Variants in PARVB observed in about 807,000 individuals in gnomAD.
PARVB encodes parvin beta.
A neutral mutation model predicts 47.0 loss-of-function variants in PARVB; 46 were observed. That is an observed-to-expected ratio of 0.98 (90% CI 0.77 to 1.25). PARVB has a LOEUF of 1.25. Among genes scored for constraint, PARVB ranks in the 50% most tolerant of loss-of-function variants. PARVB has a pLI of 0.00. For synonymous variants in PARVB, 196 were observed against 196.3 expected (o/e 1.00, Z 0.01); for missense variants, 473 against 471.6 (o/e 1.00, Z -0.03).
intron 12 of PARVB, among the ~76,000 whole-genome samples, chr22:44,166,798 C>G (rs1363760824): frequency 6.6e-6 from 1 of 152,244 alleles, no homozygotes; most frequent in East Asian, 1.9e-4. Flanking sequence ...GTGGCTGATG[C>G]AATGAATGAG....
At chr22:44,020,415 T>C (rs1402085588), upstream of PARVB, among the ~76,000 whole-genome samples, 1 of 152,136 alleles carries the variant, frequency 6.6e-6, no homozygotes, top group African/African-American at 2.4e-5. Flanking sequence ...CTCAAGTGAT[T>C]CTCTGGCCTC....
At chr22:44,043,739 A>G (rs2051063538) in intron 1 of PARVB, among the ~76,000 whole-genome samples, 1 of 151,394 alleles carries the variant, frequency 6.6e-6, no homozygotes, top group African/African-American at 2.4e-5. Context: ...TAAAGCTGGT[A>G]AAAAAAATAG....
intron 1 of PARVB, among the ~76,000 whole-genome samples, chr22:44,047,668 TAAA>T (rs1039968004): frequency 2.0e-5 from 3 of 151,728 alleles, no homozygotes; most frequent in African/African-American, 7.3e-5. Flanking sequence ...CTAAAAAAAA[TAAA>T]AAATAAAAAA....
intron 1 of PARVB, among the ~76,000 whole-genome samples, chr22:44,036,524 A>T (rs2050925272): frequency 6.6e-6 from 1 of 152,130 alleles, no homozygotes; most frequent in Admixed American, 6.6e-5. Context: ...AGTTTTTTCA[A>T]ATTGTCACAA....
At position 44,125,971 on chromosome 22, in the gene PARVB, G is replaced by A. The variant is rs2053176794; in HGVS notation, c.377-5516G>A. 2.0e-5 allele frequency among the ~76,000 whole-genome samples: 3 copies of A among 152,304 alleles called. No homozygotes were observed. In the South Asian group the frequency reaches 6.2e-4, roughly 32 times the overall value. The stretch of plus-strand genomic sequence containing the variant: ...CCATAGGAACCAAGACTGATGGCCA[G>A]GTTTGTGGCTTGAGCAACTGGTAAA... On this transcript the variant is annotated intron_variant, in intron 4 of 12. Transcript: ENST00000338758. The surrounding 1 kb of genome is among the most constrained non-coding windows in gnomAD (Gnocchi z 4.1).
At chr22:44,105,439 TC>T (rs1294168753) in intron 3 of PARVB, 1 of 152,272 alleles carries the variant, frequency 6.6e-6, no homozygotes, top group Non-Finnish European at 1.5e-5. Context: ...AACACTTCTT[TC>T]AGTTTTCTCT....
chr22:44,068,730 C>T lies in PARVB; in HGVS notation c.113-25198C>T, dbSNP rs745745563. Among the ~76,000 whole-genome samples, 2 of 152,186 alleles carry T rather than the reference C, an allele frequency of 1.3e-5. No individual in the cohort carries two copies. Among genetic ancestry groups the T allele is most frequent in the Admixed American group, 6.5e-5 (1 of 15,280 alleles). ...CAGCTCCGTGCCAGCTTGCAGACCC[C>T]CAATCACTTCTCCTGTCTCAGGGCC... is the stretch of plus-strand genomic sequence containing the variant. On this transcript the variant is annotated intron_variant, in intron 1 of 12. Transcript: ENST00000338758. The surrounding 1 kb of genome is among the most constrained non-coding windows in gnomAD (Gnocchi z 4.1).
chr22:44,017,019 G>A (rs909282369), intron 2 of PARVB, among the ~76,000 whole-genome samples: 2 of 152,108 alleles, frequency 1.3e-5, no homozygotes, highest in African/African-American at 2.4e-5. Flanking sequence ...GGGATTACAG[G>A]TGTGCACTGC....
upstream of PARVB, among the ~76,000 whole-genome samples, chr22:44,023,695 G>A (rs1197986299): frequency 6.6e-6 from 1 of 151,842 alleles, no homozygotes; most frequent in African/African-American, 2.4e-5. Context: ...CCCCTCCCTG[G>A]CACCCCACAC....
chr22:44,137,619 G>A (rs891336836), intron 7 of PARVB, among the ~76,000 whole-genome samples: 6 of 152,162 alleles, frequency 3.9e-5, no homozygotes, highest in East Asian at 1.9e-4. Flanking sequence ...AGCCAGTCTC[G>A]CCTGGGGTTG....
intron 10 of PARVB, among the ~76,000 whole-genome samples, chr22:44,157,175 T>A (rs1289040718): frequency 6.6e-6 from 1 of 152,190 alleles, no homozygotes; most frequent in Non-Finnish European, 1.5e-5. Flanking sequence ...GTCACTGTGG[T>A]CTCTGCTGCA....
intron 2 of PARVB, among the ~76,000 whole-genome samples, chr22:44,096,960 C>A (rs555269520): frequency 6.6e-6 from 1 of 152,194 alleles, no homozygotes; most frequent in East Asian, 1.9e-4. Context: ...GATTCTGAGC[C>A]CATGTCTGAC....
chr22:44,035,750 T>C (rs1285398729), intron 1 of PARVB, among the ~76,000 whole-genome samples: 1 of 151,942 alleles, frequency 6.6e-6, no homozygotes, highest in Admixed American at 6.6e-5. Context: ...GGGTTTACGG[T>C]ATTGCACTAA....
intron 1 of PARVB, among the ~76,000 whole-genome samples, chr22:44,081,994 C>T (rs1201878322): frequency 6.6e-6 from 1 of 152,198 alleles, no homozygotes; most frequent in African/African-American, 2.4e-5. Context: ...GAGGCAGAGG[C>T]TTGCGTCGAA....
At chr22:44,064,265 C>G (rs2051476420) in intron 1 of PARVB, among the ~76,000 whole-genome samples, 1 of 152,232 alleles carries the variant, frequency 6.6e-6, no homozygotes, top group Admixed American at 6.5e-5. Flanking sequence ...GGAAGCGTGG[C>G]CGTGGGGCCT....
rs971071418 is a variant in PARVB, at chr22:44,087,495, G to A, written c.113-6433G>A. Among the ~76,000 whole-genome samples, 6 of 152,178 alleles carry A rather than the reference G, an allele frequency of 3.9e-5. No homozygotes were observed. In the East Asian group the frequency reaches 1.2e-3, roughly 29 times the overall value. On this transcript the variant is annotated intron_variant, in intron 1 of 12. Transcript: ENST00000338758. Reference sequence around the variant, plus strand: ...GGCGCCTTGCCATCCCCCGTGTCCTGCCCTGGTTCTGCTAGTGGAGCAAGA... The same window carrying A: ...GGCGCCTTGCCATCCCCCGTGTCCTACCCTGGTTCTGCTAGTGGAGCAAGA...
chr22:44,117,338 T>G (rs1601629915), intron 3 of PARVB, among the ~76,000 whole-genome samples: 1 of 111,314 alleles, frequency 9.0e-6, no homozygotes. Context: ...CTGTAGAGGG[T>G]GAAGGAGGAG....
intron 1 of PARVB, among the ~76,000 whole-genome samples, chr22:44,041,772 G>T (rs2051023250): frequency 6.6e-6 from 1 of 152,138 alleles, no homozygotes; most frequent in Admixed American, 6.6e-5. Flanking sequence ...TGTGGTCCCA[G>T]CTACCCCGGA....
Position 44,140,121 on chromosome 22 carries a change from C to T in PARVB, c.693-3C>T, listed in dbSNP as rs779964502. 4 of 1,613,840 alleles carry T rather than the reference C, an allele frequency of 2.5e-6. No homozygotes were observed. Among genetic ancestry groups the T allele is most frequent in the Non-Finnish European group, 3.4e-6 (4 of 1,179,942 alleles). The stretch of plus-strand genomic sequence containing the variant: ...ATGGCTCTCTCTGTGTTCTTGTTTG[C>T]AGGATGATGATGGGCCGGTTCGGTA... On this transcript the variant is annotated splice_polypyrimidine_tract_variant and splice_region_variant and intron_variant, in intron 7 of 12. Transcript: ENST00000338758.
Sources: allele counts gnomAD v4.1 joint callset (sites outside exome capture counted in the v4.1 genomes callset), GRCh38; gene constraint gnomAD v4.1.1; non-coding constraint Gnocchi (gnomAD v3.1); transcripts MANE v1.5; gene names NCBI Gene and HGNC (gene_info 2026-07-23, HGNC 2026-07-21).